The following LRP1B variants were observed in gnomAD, a reference collection of about 807,000 sequenced individuals.
The protein encoded by LRP1B is low-density lipoprotein receptor-related protein 1B.
LRP1B carries 217 observed loss-of-function variants against 556.6 expected under a neutral mutation model. The ratio of observed to expected loss-of-function variants is 0.39; its 90% CI spans 0.35 to 0.44. The LOEUF (loss-of-function observed/expected upper bound fraction) is 0.44. LRP1B is among the 20% of genes least tolerant of loss of function. The probability of loss-of-function intolerance (pLI) is 1.00; values close to 1 mark genes in which losing one functional copy is unlikely to be tolerated. For missense variants in LRP1B, 5,053 were observed against 5,620.8 expected, an observed-to-expected ratio of 0.90 and a Z score of 3.23; for synonymous variants, 2,047 against 1,865.8, an observed-to-expected ratio of 1.10 and a Z score of -2.50.
intron 86 of LRP1B, among the ~76,000 whole-genome samples, chr2:140,251,433 C>T (rs184818532): frequency 2.6e-5 from 4 of 151,898 alleles, no homozygotes; most frequent in African/African-American, 7.2e-5. Context: ...TGTCATTTTG[C>T]AGAAATGTGG....
intron 6 of LRP1B, chr2:141,208,040 A>G (rs1056636383): frequency 5.3e-5 from 8 of 152,250 alleles, no homozygotes; most frequent in African/African-American, 1.9e-4. Context: ...GTTGGGCAGT[A>G]GTATATATAG....
intron 43 of LRP1B, among the ~76,000 whole-genome samples, chr2:140,595,094 ATATATATATATATATATATAT>A (rs1682381363): frequency 6.4e-5 from 1 of 15,612 alleles, no homozygotes; most frequent in African/African-American, 2.7e-4. Flanking sequence ...TTGAATATAT[ATATATATATATATATATATAT>A]ATATATATAT....
At chr2:140,867,557 G>T (rs778840552) in intron 27 of LRP1B, 33 bp downstream of exon 27, 1 of 1,572,346 alleles carries the variant, frequency 6.4e-7, no homozygotes, top group African/African-American at 1.4e-5. Flanking sequence ...AATACTTTCT[G>T]GGTGGTTAAT....
intron 41 of LRP1B, among the ~76,000 whole-genome samples, chr2:140,699,720 A>C (rs2105417881): frequency 6.7e-6 from 1 of 150,206 alleles, no homozygotes; most frequent in South Asian, 2.1e-4. Context: ...TCCCATAAAA[A>C]CATTAAAAAT....
At chr2:141,397,894 C>G (rs1407012181) in intron 3 of LRP1B, among the ~76,000 whole-genome samples, 1 of 150,124 alleles carries the variant, frequency 6.7e-6, no homozygotes, top group Non-Finnish European at 1.5e-5. Context: ...ATCAGCCTCT[C>G]TATATATACA....
chr2:142,027,277 TAAAG>T (rs1703539226), intron 1 of LRP1B, among the ~76,000 whole-genome samples: 1 of 151,350 alleles, frequency 6.6e-6, no homozygotes, highest in African/African-American at 2.4e-5. Context: ...TTTTTTTAAA[TAAAG>T]AAATTCTGAT....
chr2:140,618,248 AAAG>A (rs1363312212), intron 41 of LRP1B, among the ~76,000 whole-genome samples: 2 of 151,972 alleles, frequency 1.3e-5, no homozygotes, highest in African/African-American at 4.8e-5. Context: ...AAAAATAATA[AAAG>A]AAGGTTTTAT....
At chr2:140,523,406 C>A (rs1690268148) in intron 49 of LRP1B, among the ~76,000 whole-genome samples, 1 of 151,786 alleles carries the variant, frequency 6.6e-6, no homozygotes, top group African/African-American at 2.4e-5. Flanking sequence ...CCATCTGTGA[C>A]AAGCCCAAAG....
chr2:141,669,789 C>T (rs900217838), intron 2 of LRP1B, among the ~76,000 whole-genome samples: 6 of 152,126 alleles, frequency 3.9e-5, no homozygotes, highest in Non-Finnish European at 5.9e-5. Context: ...GAGTCTCACT[C>T]TGTCTTCCAG....
intron 31 of LRP1B, among the ~76,000 whole-genome samples, chr2:140,829,974 G>T (rs1005259665): frequency 1.3e-5 from 2 of 151,826 alleles, no homozygotes; most frequent in Non-Finnish European, 2.9e-5. Flanking sequence ...GGACTATTAC[G>T]AACAACTAAA....
chr2:141,821,238 G>T (rs1267709120), intron 1 of LRP1B, among the ~76,000 whole-genome samples: 1 of 152,184 alleles, frequency 6.6e-6, no homozygotes, highest in Non-Finnish European at 1.5e-5. Context: ...CCCTCAATTT[G>T]TGGTAATTTG....
intron 1 of LRP1B, among the ~76,000 whole-genome samples, chr2:142,084,984 C>T (rs1190432375): frequency 6.6e-6 from 1 of 152,136 alleles, no homozygotes; most frequent in Non-Finnish European, 1.5e-5. Flanking sequence ...GTCAATGGTT[C>T]CTAGAGGTTT....
intron 84 of LRP1B, among the ~76,000 whole-genome samples, chr2:140,275,784 G>T (rs1210999530): frequency 3.3e-5 from 5 of 151,862 alleles, no homozygotes; most frequent in African/African-American, 1.2e-4. Context: ...TGTTTTGAAG[G>T]CCATTTCTCA....
chr2:140,774,561 T>G (rs1689425176), intron 33 of LRP1B, among the ~76,000 whole-genome samples: 1 of 152,164 alleles, frequency 6.6e-6, no homozygotes, highest in Admixed American at 6.5e-5. Context: ...CTTTCTCTCT[T>G]GCACACCTTC....
chr2:141,480,579 A>C, intron 2 of LRP1B, 46 bp from the exon 3 acceptor site: 6 of 1,597,110 alleles, frequency 3.8e-6, no homozygotes, highest in Non-Finnish European at 5.2e-6. Context: ...AGCTTTTCTA[A>C]ATGGTAAAAC....
chr2:140,839,129 C>T (rs995770331), intron 31 of LRP1B, among the ~76,000 whole-genome samples: 2 of 152,072 alleles, frequency 1.3e-5, no homozygotes, highest in Non-Finnish European at 2.9e-5. Context: ...GGAAAAGACT[C>T]AGTAGTTATA....
At chr2:142,086,704 C>A (rs920214829) in intron 1 of LRP1B, among the ~76,000 whole-genome samples, 3 of 151,618 alleles carry the variant, frequency 2.0e-5, no homozygotes, top group African/African-American at 7.3e-5. Context: ...ATACGAGGCT[C>A]TCCGATAAAT....
intron 18 of LRP1B, among the ~76,000 whole-genome samples, chr2:140,981,091 T>TG (rs755334910): frequency 1.1e-3 from 164 of 150,424 alleles, no homozygotes; most frequent in Non-Finnish European, 1.6e-3. Context: ...GGGGACTTGG[T>TG]GGGGGGAAAG....
chr2:141,347,519 A>G (rs1688298061), intron 3 of LRP1B, among the ~76,000 whole-genome samples: 1 of 151,982 alleles, frequency 6.6e-6, no homozygotes, highest in African/African-American at 2.4e-5. Flanking sequence ...AAAATTTAAT[A>G]TAAAAATATT....
Sources: allele counts gnomAD v4.1 joint callset (sites outside exome capture counted in the v4.1 genomes callset), GRCh38; gene constraint gnomAD v4.1.1; transcripts MANE v1.5; gene names NCBI Gene and HGNC (gene_info 2026-07-23, HGNC 2026-07-21).